NEK11: variants seen among roughly 807,000 people sequenced by gnomAD.
NEK11 encodes NIMA related kinase 11.
In NEK11, 72 loss-of-function variants were observed where a neutral mutation model predicts 80.7. The observed-to-expected ratio is 0.89, with a 90% CI of 0.74 to 1.08. NEK11 has a LOEUF of 1.08. Among genes scored for constraint, NEK11 ranks in the 50% least tolerant of loss-of-function variants. The pLI is 0.00. For synonymous variants in NEK11, 251 were observed against 260.7 expected (o/e 0.96, Z 0.36); for missense variants, 764 against 763.6 (o/e 1.00, Z -0.01).
chr3:131,254,449 T>G (rs940380458), intron 16 of NEK11, among the ~76,000 whole-genome samples: 1 of 152,194 alleles, frequency 6.6e-6, no homozygotes, highest in African/African-American at 2.4e-5. Flanking sequence ...GCCCTGATGA[T>G]TTCTCTGGTC....
rs869304359 is a variant in NEK11 at position 131,272,463 on chromosome 3, C to CTTTTTTTTTT, written c.1622-994_1622-985dup. On this transcript the variant is annotated intron_variant, in intron 16 of 17. Coordinates refer to ENST00000383366, the MANE Select transcript of NEK11 (RefSeq NM_024800.5). ...CTTGCTAATGGGCCAGTTTTAGCTT[C>CTTTTTTTTTT]TTTTTTTTTTTTTTTTTTTTTTTTT... 4.8e-3 allele frequency among the ~76,000 whole-genome samples: 209 copies of CTTTTTTTTTT among 43,902 alleles called. 39 individuals carry two copies. The highest frequency in any genetic ancestry group is 5.9e-3 in the Admixed American group (19 of 3,202). 28.8% of individuals were successfully genotyped at this position (43,902 alleles called of 152,430 possible). A position where few individuals can be genotyped will look rare whatever the true frequency, so the allele number is the denominator to read the frequency against.
intron 5 of NEK11, among the ~76,000 whole-genome samples, chr3:131,131,168 C>G (rs1222587115): frequency 6.6e-6 from 1 of 152,170 alleles, no homozygotes; most frequent in Non-Finnish European, 1.5e-5. Flanking sequence ...ATCAGAGATA[C>G]TGGTTTTTAG....
chr3:131,235,474 T>A (rs560514423), intron 15 of NEK11, among the ~76,000 whole-genome samples: 1 of 152,316 alleles, frequency 6.6e-6, no homozygotes, highest in South Asian at 2.1e-4. Context: ...TCTGAATATT[T>A]CATTCACCTA....
At chr3:131,296,894 G>C (rs1358618161) in intron 17 of NEK11, among the ~76,000 whole-genome samples, 1 of 150,742 alleles carries the variant, frequency 6.6e-6, no homozygotes, top group Non-Finnish European at 1.5e-5. Context: ...TCCCACCTAT[G>C]AGTGAGAATA....
At chr3:131,334,090 A>C (rs1232112252) in intron 17 of NEK11, among the ~76,000 whole-genome samples, 2 of 152,184 alleles carry the variant, frequency 1.3e-5, no homozygotes, top group Non-Finnish European at 2.9e-5. Flanking sequence ...ATATCCAGGA[A>C]TTGAACTCAG....
intron 3 of NEK11, among the ~76,000 whole-genome samples, chr3:131,070,248 T>C (rs1409806459): frequency 6.6e-6 from 1 of 152,230 alleles, no homozygotes; most frequent in Non-Finnish European, 1.5e-5. Flanking sequence ...ATGTTATCAA[T>C]ATTTATTTTT....
At chr3:131,258,920 G>A (rs1382538236) in intron 16 of NEK11, among the ~76,000 whole-genome samples, 7 of 152,168 alleles carry the variant, frequency 4.6e-5, no homozygotes, top group Non-Finnish European at 1.0e-4. Flanking sequence ...TCCATGCAAA[G>A]CATTGTGGTG....
chr3:131,162,329 T>C, intron 10 of NEK11, 79 bp from the exon 11 acceptor site: 2 of 1,546,240 alleles, frequency 1.3e-6, no homozygotes, highest in South Asian at 1.2e-5. Context: ...AGTGTAGTGA[T>C]ACTTTTATAA....
intron 16 of NEK11, among the ~76,000 whole-genome samples, chr3:131,259,429 A>C (rs530754476): frequency 6.6e-6 from 1 of 152,308 alleles, no homozygotes; most frequent in East Asian, 1.9e-4. Context: ...TACCCAACTT[A>C]TTAAAGGAAC....
chr3:131,231,785 C>T (rs934022355), intron 15 of NEK11, among the ~76,000 whole-genome samples: 8 of 151,940 alleles, frequency 5.3e-5, no homozygotes, highest in Admixed American at 2.0e-4. Flanking sequence ...CTCAGATTGG[C>T]CTCTTCTCCC....
intron 10 of NEK11, among the ~76,000 whole-genome samples, chr3:131,157,487 C>T (rs938414563): frequency 2.6e-5 from 4 of 152,058 alleles, no homozygotes; most frequent in Admixed American, 2.6e-4. Context: ...CATGCTGCAA[C>T]AAAAATATCT....
In NEK11 at chr3:131,165,413, T is replaced by G; in HGVS notation, c.1083-13T>G. The G allele has an allele frequency of 6.5e-7, 1 of 1,534,958 alleles. No homozygotes were observed. Among genetic ancestry groups the G allele is most frequent in the Non-Finnish European group, 9.0e-7 (1 of 1,108,686 alleles). ...TTCGCAGTTATTTTTCTACATTCAC[T>G]TTAAATTTACAGAAAGATTGTGGAA... is the stretch of plus-strand genomic sequence containing the variant. On this transcript the variant is annotated splice_polypyrimidine_tract_variant and intron_variant, in intron 11 of 17. Transcript: ENST00000383366.
intron 16 of NEK11, among the ~76,000 whole-genome samples, chr3:131,263,200 C>T (rs150890339): frequency 1.1e-3 from 165 of 152,166 alleles, no homozygotes; most frequent in African/African-American, 3.6e-3. Context: ...ACCCACCCCA[C>T]GACAGGCCCT....
In NEK11 at chr3:131,043,499, G is replaced by A. The variant is rs1385696556; in HGVS notation, c.170+13621G>A. On this transcript the variant is annotated intron_variant, in intron 3 of 17. Coordinates refer to ENST00000383366, the MANE Select transcript of NEK11 (RefSeq NM_024800.5). ...TATCAATAGTCAAATCAATCAAGTG[G>A]AAGAAAGTATATCAGTGATTGAAGA... 2.6e-5 allele frequency among the ~76,000 whole-genome samples: 4 copies of A among 152,172 alleles called. No homozygotes were observed. The South Asian group carries it at 8.3e-4, about 32-fold the overall frequency.
chr3:131,181,120 G>A (rs2093319967), intron 14 of NEK11, among the ~76,000 whole-genome samples: 1 of 152,206 alleles, frequency 6.6e-6, no homozygotes, highest in Admixed American at 6.5e-5. Context: ...TAAGGTTACA[G>A]ATGGAACTAA....
At chr3:131,285,133 C>A (rs561398560) in intron 17 of NEK11, among the ~76,000 whole-genome samples, 4 of 152,202 alleles carry the variant, frequency 2.6e-5, no homozygotes, top group South Asian at 2.1e-4. Context: ...CAACTTCAAA[C>A]TAATCATTAG....
chr3:131,034,145 A>G (rs1185176926), intron 3 of NEK11, among the ~76,000 whole-genome samples: 1 of 152,246 alleles, frequency 6.6e-6, no homozygotes, highest in African/African-American at 2.4e-5. Context: ...GGCCCTTAAC[A>G]TTAGCATAGT....
intron 3 of NEK11, among the ~76,000 whole-genome samples, chr3:131,035,335 A>G (rs2065483352): frequency 6.6e-6 from 1 of 152,210 alleles, no homozygotes; most frequent in Non-Finnish European, 1.5e-5. Flanking sequence ...CTTAGACCAT[A>G]AGAGTAAGGG....
intron 17 of NEK11, among the ~76,000 whole-genome samples, chr3:131,300,513 GT>G (rs2109166555): frequency 6.6e-6 from 1 of 152,220 alleles, no homozygotes; most frequent in East Asian, 1.9e-4. Flanking sequence ...ATTGTTTTAG[GT>G]TTTACATTTA....
Sources: allele counts gnomAD v4.1 joint callset (sites outside exome capture counted in the v4.1 genomes callset), GRCh38; gene constraint gnomAD v4.1.1; transcripts MANE v1.5; gene names NCBI Gene and HGNC (gene_info 2026-07-23, HGNC 2026-07-21).